Variants in PDXDC1 observed in about 807,000 individuals in gnomAD.
The protein encoded by PDXDC1 is pyridoxal dependent decarboxylase domain containing 1, also known as pyridoxal-dependent decarboxylase domain-containing protein 1.
In PDXDC1, 42 loss-of-function variants were observed where a neutral mutation model predicts 100.1. The observed-to-expected ratio is 0.42, with a 90% confidence interval of 0.33 to 0.54. The LOEUF (loss-of-function observed/expected upper bound fraction) is 0.54, where lower values mean the gene tolerates loss of function less well. PDXDC1 is among the 20% of genes least tolerant of loss of function. The pLI is 0.10. For missense variants in PDXDC1, 636 were observed against 979.2 expected (o/e 0.65, Z 4.68); for synonymous variants, 260 against 371.7 (o/e 0.70, Z 3.46).
chr16:14,987,092 A>G (rs1274636373), intron 1 of PDXDC1, among the ~76,000 whole-genome samples: 1 of 152,286 alleles, frequency 6.6e-6, no homozygotes, highest in Non-Finnish European at 1.5e-5. Flanking sequence ...GTTGGTGGAA[A>G]AAGGAAAAAA....
downstream of PDXDC1, among the ~76,000 whole-genome samples, chr16:15,043,313 G>C (rs2043907256): frequency 2.6e-5 from 4 of 152,216 alleles, no homozygotes; most frequent in African/African-American, 9.6e-5. Flanking sequence ...TGGGATTACA[G>C]GCATGAGCCA....
At chr16:15,146,907 G>A in the PDXDC1 span, among the ~76,000 whole-genome samples, 1 of 152,022 alleles carries the variant, frequency 6.6e-6, no homozygotes, top group Non-Finnish European at 1.5e-5. Flanking sequence ...CACTTTACAG[G>A]TGAGGAAACT....
chr16:15,064,077 T>A (rs2044844054), intron 16 of PDXDC1, among the ~76,000 whole-genome samples: 1 of 152,312 alleles, frequency 6.6e-6, no homozygotes, highest in Non-Finnish European at 1.5e-5. Flanking sequence ...TTAGAAACCA[T>A]AATAAGCAAA....
chr16:15,124,518 T>C (rs973832486), intron 16 of PDXDC1, among the ~76,000 whole-genome samples: 1 of 151,836 alleles, frequency 6.6e-6, no homozygotes, highest in Non-Finnish European at 1.5e-5. Flanking sequence ...CTCACGCCTG[T>C]AATCCCAGCA....
intron 1 of PDXDC1, among the ~76,000 whole-genome samples, chr16:14,993,578 T>C (rs1366456115): frequency 6.6e-6 from 1 of 152,298 alleles, no homozygotes; most frequent in African/African-American, 2.4e-5. Context: ...GTCTTTGCTA[T>C]TGTGAATAGT....
chr16:15,127,526 C>A, intron 16 of PDXDC1: 1 of 1,472,048 alleles, frequency 6.8e-7, no homozygotes, highest in Non-Finnish European at 9.3e-7. Context: ...GGATAGACAA[C>A]CACGCTGGAC....
chr16:15,035,368 G>C (rs965821205), intron 21 of PDXDC1, 81 bp from the exon 22 acceptor site: 1 of 686,280 alleles, frequency 1.5e-6, no homozygotes, highest in Non-Finnish European at 2.4e-6. Flanking sequence ...TTATTGGGGA[G>C]CAAGGCTGTG....
At chr16:14,975,911 G>T (rs1966767268) in intron 1 of PDXDC1, among the ~76,000 whole-genome samples, 1 of 152,300 alleles carries the variant, frequency 6.6e-6, no homozygotes. Flanking sequence ...ATTGCGAATT[G>T]AGTTTTGGGG....
chr16:15,135,744 G>T (rs1489343377), intron 16 of PDXDC1: 17 of 1,596,518 alleles, frequency 1.1e-5, no homozygotes, highest in Non-Finnish European at 1.5e-5. Context: ...TCCAGCACCA[G>T]GTCCTGTGTG....
chr16:15,033,971 T>C (rs2043231935), intron 19 of PDXDC1: 3 of 479,000 alleles, frequency 6.3e-6, no homozygotes, highest in Non-Finnish European at 1.1e-5. Flanking sequence ...CACGAGCCAT[T>C]GGACATGCGG....
chr16:15,141,552 G>A (rs576637544), downstream of PDXDC1, among the ~76,000 whole-genome samples: 5 of 152,312 alleles, frequency 3.3e-5, no homozygotes, highest in East Asian at 3.9e-4. Context: ...CCTGGGCTCC[G>A]GGAGGGGAGA....
chr16:15,013,598 C>A (rs1329502198), intron 8 of PDXDC1, among the ~76,000 whole-genome samples: 5 of 152,382 alleles, frequency 3.3e-5, no homozygotes, highest in East Asian at 1.9e-4. Flanking sequence ...TACAATAGGC[C>A]GAGCATGAGA....
rs765766531 is a variant in PDXDC1 at position 15,035,551 on chromosome 16, C to T, written c.2105C>T (p.Pro702Leu). 6.3e-7 allele frequency: 1 copy of T among 1,595,460 alleles called. No individual in the cohort carries two copies. Among genetic ancestry groups the T allele is most frequent in the Non-Finnish European group, 8.6e-7 (1 of 1,165,542 alleles). Residue 702 changes from proline to leucine, a missense_variant and splice_region_variant, in exon 22 of 23, where the codon CCA becomes CTA. Pro to Leu is a moderately conservative substitution (Grantham distance 98). Transcript: ENST00000396410. ...GGCAGTCGCACCAAGCAGAGGCTTC[C>T]AGGTAAGTGACGCCTCTGCACCGAG... ...PSGSRTKQRLPGQKPFKRSLR... is the reference protein window; with the variant it reads ...PSGSRTKQRLLGQKPFKRSLR...
chr16:14,982,239 T>C (rs1968158143), intron 1 of PDXDC1, among the ~76,000 whole-genome samples: 1 of 152,312 alleles, frequency 6.6e-6, no homozygotes, highest in African/African-American at 2.4e-5. Flanking sequence ...AATTACAGTA[T>C]GTCTTCATAT....
chr16:15,044,281 A>G (rs914109087), intron 16 of PDXDC1: 6 of 1,243,648 alleles, frequency 4.8e-6, no homozygotes, highest in African/African-American at 4.4e-5. Context: ...CCAAGCAAAT[A>G]TGGGTACATA....
chr16:15,057,621 G>C (rs1216714490), intron 16 of PDXDC1, among the ~76,000 whole-genome samples: 2 of 152,208 alleles, frequency 1.3e-5, no homozygotes, highest in African/African-American at 4.8e-5. Flanking sequence ...TTGAAACCAG[G>C]GTGATCAATG....
chr16:15,123,262 A>G (rs1361250139), intron 16 of PDXDC1, among the ~76,000 whole-genome samples: 82 of 151,862 alleles, frequency 5.4e-4, no homozygotes, highest in South Asian at 2.1e-3. Context: ...TCCTCCCAAG[A>G]CCAGGTCCTC....
chr16:15,127,539 C>G (rs2047805298), intron 16 of PDXDC1: 4 of 1,375,166 alleles, frequency 2.9e-6, no homozygotes, highest in Non-Finnish European at 4.0e-6. Context: ...CGCTGGACAC[C>G]AGGCCAACAG....
At chr16:15,020,440 C>T (rs1368800925) in intron 12 of PDXDC1, among the ~76,000 whole-genome samples, 1 of 152,272 alleles carries the variant, frequency 6.6e-6, no homozygotes, top group African/African-American at 2.4e-5. Flanking sequence ...CCTGTAATCC[C>T]AGCACTTTGG....
Sources: gnomAD v4.1 joint callset for allele counts (sites outside exome capture counted in the v4.1 genomes callset) on GRCh38, gnomAD v4.1.1 for gene constraint, MANE v1.5 for transcripts, NCBI Gene and HGNC (gene_info 2026-07-23, HGNC 2026-07-21) for gene names.